The following ARHGAP24 variants were observed in gnomAD, a reference collection of about 807,000 sequenced individuals.
ARHGAP24 encodes the protein Rho GTPase activating protein 24, also known as rho GTPase-activating protein 24.
ARHGAP24 carries 50 observed loss-of-function variants against 76.4 expected under a neutral mutation model. The observed-to-expected ratio is 0.65, with a 90% CI of 0.52 to 0.83. The LOEUF (loss-of-function observed/expected upper bound fraction) is 0.83, where lower values mean the gene tolerates loss of function less well. ARHGAP24 is among the 40% of genes least tolerant of loss of function. The pLI is 0.00. For missense variants in ARHGAP24, 930 were observed against 914.2 expected (o/e 1.02, Z -0.22); for synonymous variants, 345 against 323.3 (o/e 1.07, Z -0.72).
At chr4:85,959,963 A>G (rs1738150073) in intron 5 of ARHGAP24, among the ~76,000 whole-genome samples, 1 of 152,014 alleles carries the variant, frequency 6.6e-6, no homozygotes, top group Non-Finnish European at 1.5e-5. Context: ...TTTATGAGCC[A>G]TTCTAAAAAG....
intron 1 of ARHGAP24, among the ~76,000 whole-genome samples, chr4:85,482,480 C>T (rs1166858883): frequency 1.3e-5 from 2 of 152,016 alleles, no homozygotes; most frequent in Admixed American, 6.6e-5. Context: ...GGAACTGCCT[C>T]ATGAGGAGCT....
intron 3 of ARHGAP24, among the ~76,000 whole-genome samples, chr4:85,889,162 C>A (rs2148776800): frequency 6.6e-6 from 1 of 152,306 alleles, no homozygotes; most frequent in South Asian, 2.1e-4. Flanking sequence ...ATATCCCACA[C>A]CATTTACCTA....
chr4:85,530,546 T>G (rs989279583), intron 1 of ARHGAP24, among the ~76,000 whole-genome samples: 1 of 151,648 alleles, frequency 6.6e-6, no homozygotes, highest in Non-Finnish European at 1.5e-5. Flanking sequence ...ATTTGTCGAC[T>G]GTTTTTCCAA....
intron 2 of ARHGAP24, among the ~76,000 whole-genome samples, chr4:85,706,974 G>A (rs1313197949): frequency 2.0e-5 from 3 of 152,138 alleles, no homozygotes; most frequent in Middle Eastern, 3.4e-3. Context: ...AAGTGCAGTC[G>A]TGCTATCATA....
At chr4:85,712,134 G>T (rs1724552366) in intron 2 of ARHGAP24, among the ~76,000 whole-genome samples, 1 of 152,110 alleles carries the variant, frequency 6.6e-6, no homozygotes, top group South Asian at 2.1e-4. Flanking sequence ...GTTGTAAAAT[G>T]ACATTTAGTA....
intron 8 of ARHGAP24, among the ~76,000 whole-genome samples, chr4:85,981,851 C>T (rs1739687563): frequency 6.6e-6 from 1 of 152,102 alleles, no homozygotes; most frequent in African/African-American, 2.4e-5. Flanking sequence ...GGTGCAATCC[C>T]TCCCACTTTT....
intron 2 of ARHGAP24, among the ~76,000 whole-genome samples, chr4:85,719,383 G>A (rs1031993806): frequency 5.3e-5 from 8 of 152,120 alleles, no homozygotes; most frequent in Non-Finnish European, 1.2e-4. Flanking sequence ...GGCATGGGGG[G>A]AGAGGAATAC....
At chr4:85,994,431 C>T (rs779218996) in intron 8 of ARHGAP24, 152 bp from the exon 9 acceptor site, 2 of 801,384 alleles carry the variant, frequency 2.5e-6, no homozygotes, top group Non-Finnish European at 4.2e-6. Flanking sequence ...GATGTTTTAG[C>T]TTCTATTGCT....
At chr4:85,908,438 AC>A (rs1323633909) in intron 3 of ARHGAP24, among the ~76,000 whole-genome samples, 1 of 152,172 alleles carries the variant, frequency 6.6e-6, no homozygotes, top group African/African-American at 2.4e-5. Context: ...GTAGCATTAA[AC>A]TAGTTGTAAG....
At chr4:85,723,306 T>C (rs1439955349) in intron 3 of ARHGAP24, 1 of 152,246 alleles carries the variant, frequency 6.6e-6, no homozygotes, top group South Asian at 2.1e-4. Context: ...TTCAGTCTGC[T>C]AGCTGCAAGG....
At chr4:85,931,369 C>T (rs951294867) in intron 4 of ARHGAP24, among the ~76,000 whole-genome samples, 13 of 152,050 alleles carry the variant, frequency 8.5e-5, no homozygotes, top group Admixed American at 3.3e-4. Context: ...CCTTCCTAGA[C>T]CCAAATCAAG....
chr4:85,923,630 G>T lies in ARHGAP24; in HGVS notation c.269-18G>T, dbSNP rs1483024573. On this transcript the variant is annotated intron_variant, in intron 3 of 9. Transcript: ENST00000395184. The stretch of plus-strand genomic sequence containing the variant: ...CTCTGGATGCAACTTCAGCTGCATT[G>T]TTACTGTGTTTTCACAGGAGGCGAT... 29 of 1,613,232 alleles carry T rather than the reference G, an allele frequency of 1.8e-5. No individual in the cohort carries two copies. Among genetic ancestry groups the T allele is most frequent in the Non-Finnish European group, 1.9e-5 (22 of 1,179,632 alleles).
intron 2 of ARHGAP24, among the ~76,000 whole-genome samples, chr4:85,690,136 T>C (rs1578143080): frequency 1.3e-5 from 2 of 152,246 alleles, no homozygotes; most frequent in East Asian, 3.8e-4. Context: ...TAAATTATGT[T>C]TATGTGGTAA....
chr4:85,889,613 C>T (rs893435247), intron 3 of ARHGAP24, among the ~76,000 whole-genome samples: 7 of 152,170 alleles, frequency 4.6e-5, no homozygotes, highest in Non-Finnish European at 1.0e-4. Context: ...CTTCTTTCCA[C>T]GACTATTTAG....
intron 2 of ARHGAP24, among the ~76,000 whole-genome samples, chr4:85,670,743 T>C (rs1467038577): frequency 6.6e-6 from 1 of 151,598 alleles, no homozygotes; most frequent in Non-Finnish European, 1.5e-5. Context: ...AGCCACTCCC[T>C]GTACTTTAGA....
chr4:85,797,781 T>C (rs1426440820), intron 3 of ARHGAP24, among the ~76,000 whole-genome samples: 3 of 152,216 alleles, frequency 2.0e-5, no homozygotes, highest in Non-Finnish European at 2.9e-5. Flanking sequence ...CCAGAAGATG[T>C]GTTATTATTT....
At chr4:85,632,343 A>T (rs1014827357) in intron 2 of ARHGAP24, among the ~76,000 whole-genome samples, 1 of 152,000 alleles carries the variant, frequency 6.6e-6, no homozygotes, top group African/African-American at 2.4e-5. Context: ...TTCTCAACTT[A>T]AGTTATGTGT....
At chr4:85,880,223 C>A (rs2148767376) in intron 3 of ARHGAP24, among the ~76,000 whole-genome samples, 1 of 152,212 alleles carries the variant, frequency 6.6e-6, no homozygotes, top group Middle Eastern at 3.4e-3. Context: ...TTTAAAATAT[C>A]TTATTGTACT....
intron 8 of ARHGAP24, among the ~76,000 whole-genome samples, chr4:85,985,407 C>T (rs1426476312): frequency 6.6e-6 from 1 of 152,098 alleles, no homozygotes; most frequent in African/African-American, 2.4e-5. Context: ...CTCATGTTCT[C>T]ACTTATAGGT....
Sources: gnomAD v4.1 joint callset for allele counts (sites outside exome capture counted in the v4.1 genomes callset) on GRCh38, gnomAD v4.1.1 for gene constraint, MANE v1.5 for transcripts, NCBI Gene and HGNC (gene_info 2026-07-23, HGNC 2026-07-21) for gene names.